The following CSMD3 variants were observed in gnomAD, a reference collection of about 807,000 sequenced individuals.
CSMD3 encodes CUB and Sushi multiple domains 3.
CSMD3 carries 177 observed loss-of-function variants against 435.2 expected under a neutral mutation model. That is an observed-to-expected ratio of 0.41 (90% CI 0.36 to 0.46). The LOEUF is 0.46. Ranked by LOEUF, CSMD3 falls within the 20% of genes least tolerant of loss-of-function variation. The pLI is 0.34. For synonymous variants in CSMD3, 1,656 were observed against 1,520.5 expected (o/e 1.09, Z -2.07); for missense variants, 4,265 against 4,504.6 (o/e 0.95, Z 1.52).
intron 9 of CSMD3, among the ~76,000 whole-genome samples, chr8:112,933,499 G>A (rs367956177): frequency 5.5e-4 from 84 of 152,128 alleles, no homozygotes; most frequent in African/African-American, 2.0e-3. Flanking sequence ...TCTCCACCAA[G>A]TCCTAGGCCA....
chr8:112,256,240 C>A (rs897511004), intron 61 of CSMD3, among the ~76,000 whole-genome samples: 2 of 150,510 alleles, frequency 1.3e-5, no homozygotes, highest in East Asian at 3.9e-4. Flanking sequence ...AGTGAACAAA[C>A]AATAAACATA....
At chr8:113,307,141 A>T (rs1343230581) in intron 2 of CSMD3, among the ~76,000 whole-genome samples, 1 of 152,124 alleles carries the variant, frequency 6.6e-6, no homozygotes, top group Non-Finnish European at 1.5e-5. Flanking sequence ...GGAGAAGAGT[A>T]ATATTACTGT....
chr8:112,542,405 T>C (rs180814200), intron 27 of CSMD3, among the ~76,000 whole-genome samples: 3 of 148,890 alleles, frequency 2.0e-5, no homozygotes, highest in Admixed American at 6.7e-5. Context: ...ATCTCATATA[T>C]AGAAAATCCT....
chr8:112,945,396 C>A (rs2083571612), intron 9 of CSMD3, among the ~76,000 whole-genome samples: 1 of 151,648 alleles, frequency 6.6e-6, no homozygotes, highest in Admixed American at 6.6e-5. Context: ...TGGATCAGGT[C>A]ACTTACAAAT....
chr8:112,745,374 T>C (rs2132074166), intron 13 of CSMD3, among the ~76,000 whole-genome samples: 1 of 152,174 alleles, frequency 6.6e-6, no homozygotes, highest in South Asian at 2.1e-4. Flanking sequence ...TGTTCCAAAT[T>C]ATAAAAATAA....
At chr8:113,029,840 C>T (rs958291244) in intron 5 of CSMD3, among the ~76,000 whole-genome samples, 2 of 151,448 alleles carry the variant, frequency 1.3e-5, no homozygotes, top group African/African-American at 4.8e-5. Flanking sequence ...CAAACTGTCA[C>T]TGTTTGCTGA....
intron 5 of CSMD3, among the ~76,000 whole-genome samples, chr8:113,030,436 A>T (rs1462755452): frequency 6.0e-5 from 9 of 149,598 alleles, no homozygotes; most frequent in African/African-American, 2.2e-4. Context: ...AAAAAAAAAA[A>T]AAAAAAAAAG....
chr8:112,348,022 T>C (rs1047814057), intron 40 of CSMD3, among the ~76,000 whole-genome samples: 8 of 152,092 alleles, frequency 5.3e-5, no homozygotes, highest in African/African-American at 1.9e-4. Context: ...CCTTTCAGGG[T>C]GAAAAATACC....
At chr8:112,285,071 G>A (rs954482483) in intron 58 of CSMD3, among the ~76,000 whole-genome samples, 2 of 151,832 alleles carry the variant, frequency 1.3e-5, no homozygotes, top group Non-Finnish European at 2.9e-5. Flanking sequence ...GTTTGTGTAA[G>A]TGATTGGTAT....
intron 4 of CSMD3, among the ~76,000 whole-genome samples, chr8:113,161,545 T>C (rs2092038920): frequency 6.6e-6 from 1 of 152,128 alleles, no homozygotes; most frequent in South Asian, 2.1e-4. Flanking sequence ...TTTGCTCAAC[T>C]GTCCTCCACT....
intron 1 of CSMD3, among the ~76,000 whole-genome samples, chr8:113,407,358 G>A (rs935384041): frequency 3.3e-5 from 5 of 152,020 alleles, no homozygotes; most frequent in African/African-American, 1.2e-4. Flanking sequence ...AATTTTAAGT[G>A]AGCCACCATG....
Position 112,265,536 on chromosome 8 carries a change from T to C in CSMD3, c.9563A>G (p.Asp3188Gly). 2 of 1,613,644 alleles carry C rather than the reference T, an allele frequency of 1.2e-6. No individual in the cohort carries two copies. Among genetic ancestry groups the C allele is most frequent in the Non-Finnish European group, 1.7e-6 (2 of 1,179,644 alleles). Residue 3188 changes from aspartate to glycine, a missense_variant, in exon 60 of 71, where the codon GAT becomes GGT. This residue lies in a region of CSMD3 where 3,255 missense variants were observed against 3,380.2 expected (regional missense o/e 0.96). Transcript: ENST00000297405. ...AGAAACATTTTGTCCAACCACATAA[T>C]CATCTCCATATCTCAGTCCATTGGC... ...IPANGLRYGD[D>G]YVVGQNVSYM...
rs2130964576 is a variant in CSMD3 at position 112,337,558 on chromosome 8, G to A, written c.6826C>T (p.Leu2276Phe). The change falls in exon 43 of 71, where the codon CTT becomes TTT. Residue 2276 changes from leucine (L) to phenylalanine (F), a missense_variant. By Grantham distance (22) the Leu-to-Phe change is conservative (BLOSUM62 0). This residue lies in a region of CSMD3 where 3,255 missense variants were observed against 3,380.2 expected (regional missense o/e 0.96). Transcript: ENST00000297405. ...AGAAGCATACCTTCACACCTTGGAA[G>A]TGGATGATTCCAATTACGACTGACT... ...HGVSRNWNHP[L>F]PRCEALCGGN... The A allele has an allele frequency of 6.2e-7, 1 of 1,613,164 alleles. No individual in the cohort carries two copies. Among genetic ancestry groups the A allele is most frequent in the Non-Finnish European group, 8.5e-7 (1 of 1,179,106 alleles).
intron 53 of CSMD3, among the ~76,000 whole-genome samples, chr8:112,301,196 A>C (rs1036157993): frequency 2.6e-5 from 4 of 152,064 alleles, no homozygotes; most frequent in Non-Finnish European, 5.9e-5. Flanking sequence ...AAAATATAAT[A>C]TTTTCATAAT....
intron 17 of CSMD3, among the ~76,000 whole-genome samples, chr8:112,657,129 C>T (rs1174429458): frequency 1.4e-5 from 2 of 145,082 alleles, no homozygotes; most frequent in Non-Finnish European, 3.0e-5. Context: ...GTGGTGCCAT[C>T]TTGGGTCACT....
At chr8:113,109,341 T>C (rs1159429285) in intron 4 of CSMD3, among the ~76,000 whole-genome samples, 1 of 152,194 alleles carries the variant, frequency 6.6e-6, no homozygotes, top group Non-Finnish European at 1.5e-5. Context: ...CGATATCATC[T>C]AAATCAGCCA....
chr8:112,680,538 G>A (rs913893368), intron 16 of CSMD3, among the ~76,000 whole-genome samples: 12 of 152,224 alleles, frequency 7.9e-5, no homozygotes, highest in African/African-American at 1.7e-4. Flanking sequence ...GTCCATTATT[G>A]TGTAACTCCA....
chr8:112,461,164 A>G (rs1817407116), intron 32 of CSMD3, among the ~76,000 whole-genome samples: 1 of 152,268 alleles, frequency 6.6e-6, no homozygotes, highest in Non-Finnish European at 1.5e-5. Context: ...AAACAATTAG[A>G]GATCGTTATA....
intron 32 of CSMD3, among the ~76,000 whole-genome samples, chr8:112,431,690 A>G (rs1406810866): frequency 6.6e-6 from 1 of 152,156 alleles, no homozygotes. Flanking sequence ...AATTATTTTT[A>G]GCTGACCCAT....
Sources: allele counts gnomAD v4.1 joint callset (sites outside exome capture counted in the v4.1 genomes callset), GRCh38; gene constraint gnomAD v4.1.1; regional missense constraint gnomAD v4.1.1; transcripts MANE v1.5; gene names NCBI Gene and HGNC (gene_info 2026-07-23, HGNC 2026-07-21).